The following EBF1 variants were observed in gnomAD, a reference collection of about 807,000 sequenced individuals.
EBF1 encodes transcription factor COE1.
A neutral mutation model predicts 68.4 loss-of-function variants in EBF1; 10 were observed. The observed-to-expected ratio is 0.15, with a 90% CI of 0.09 to 0.25. The LOEUF is 0.25. Ranked by LOEUF, EBF1 falls within the 10% of genes least tolerant of loss-of-function variation. EBF1 has a pLI of 1.00. For missense variants in EBF1, 509 were observed against 794.4 expected (o/e 0.64, Z 4.32); for synonymous variants, 298 against 299.8 (o/e 0.99, Z 0.06).
At chr5:158,806,620 C>T (rs183483741) in intron 8 of EBF1, among the ~76,000 whole-genome samples, 3 of 152,238 alleles carry the variant, frequency 2.0e-5, no homozygotes, top group Admixed American at 1.3e-4. Context: ...GGACAGAGAA[C>T]AGTCAGACTT....
rs77055596 is a variant in EBF1, at chr5:158,993,910, G to A, written c.554+79486C>T. On this transcript the variant is annotated intron_variant, in intron 6 of 15. Transcript: ENST00000313708. ...TGGGGAGGAAAGGGCAAGTCAAAAT[G>A]TAAGTCTGTCCTAGGTAAATAGGCA... is the stretch of plus-strand genomic sequence containing the variant. Among the ~76,000 whole-genome samples, 1,478 of 152,350 alleles carry A rather than the reference G, an allele frequency of 9.7e-3. 12 individuals are homozygous for A. Among genetic ancestry groups the A allele is most frequent in the Non-Finnish European group, 0.016 (1,097 of 68,036 alleles).
intron 11 of EBF1, among the ~76,000 whole-genome samples, chr5:158,719,580 C>T (rs770499306): frequency 2.6e-5 from 4 of 152,140 alleles, no homozygotes; most frequent in Non-Finnish European, 5.9e-5. Flanking sequence ...CCACATCTAG[C>T]CTCCTAGAGT....
chr5:158,807,764 T>C (rs1203392121), intron 8 of EBF1, among the ~76,000 whole-genome samples: 1 of 152,172 alleles, frequency 6.6e-6, no homozygotes, highest in Non-Finnish European at 1.5e-5. Flanking sequence ...GGCCTTTCTT[T>C]GCTATGCAGA....
At chr5:159,016,934 T>C (rs970083188) in intron 6 of EBF1, among the ~76,000 whole-genome samples, 4 of 152,134 alleles carry the variant, frequency 2.6e-5, no homozygotes, top group Non-Finnish European at 4.4e-5. Flanking sequence ...AAAACCCAGC[T>C]CAAATTCTCT....
intron 4 of EBF1, among the ~76,000 whole-genome samples, chr5:159,094,000 CTTT>C (rs35491355): frequency 3.1e-5 from 4 of 130,120 alleles, no homozygotes; most frequent in Non-Finnish European, 4.8e-5. Flanking sequence ...TCCCTCCCAA[CTTT>C]TTTTTTTTTT....
In EBF1 at chr5:158,969,904, GAAAGAAAGAAAGAA is replaced by G. The variant is rs1311712165; in HGVS notation, c.554+103478_554+103491del. On this transcript the variant is annotated intron_variant, in intron 6 of 15. Coordinates refer to ENST00000313708, the MANE Select transcript of EBF1 (RefSeq NM_024007.5). ...AGAAAGAAAGAAAGAAAGAAAGAAAGAAAGAAAGAAAGAAAAAAAAAAAAAAGGCTGCTGGAAGT... is the reference window on the plus strand; with the variant it reads ...AGAAAGAAAGAAAGAAAGAAAGAAAGAAAAAAAAAAAAGGCTGCTGGAAGT... Among the ~76,000 whole-genome samples, 766 of 105,674 alleles carry G rather than the reference GAAAGAAAGAAAGAA, an allele frequency of 7.2e-3. 23 individuals carry two copies. The highest frequency in any genetic ancestry group is 0.014 in the Middle Eastern group (3 of 210). 69.3% of individuals were successfully genotyped at this position (105,674 alleles called of 152,430 possible).
At chr5:158,811,798 G>A (rs1001311847) in intron 8 of EBF1, among the ~76,000 whole-genome samples, 1 of 152,150 alleles carries the variant, frequency 6.6e-6, no homozygotes, top group Non-Finnish European at 1.5e-5. Flanking sequence ...TCCAAGTTTA[G>A]TTTCTCAAAA....
intron 6 of EBF1, among the ~76,000 whole-genome samples, chr5:158,969,844 GA>G (rs1353417815): frequency 4.2e-4 from 11 of 26,124 alleles, no homozygotes; most frequent in Non-Finnish European, 7.4e-4. Context: ...GAAAGAAAGA[GA>G]AAGAAAGAAA....
intron 6 of EBF1, among the ~76,000 whole-genome samples, chr5:158,966,041 G>A (rs889121061): frequency 1.3e-5 from 2 of 152,182 alleles, no homozygotes; most frequent in African/African-American, 4.8e-5. Context: ...GTAGAACACA[G>A]GAAACCTTGA....
chr5:158,821,608 A>G (rs1454452880), intron 8 of EBF1, among the ~76,000 whole-genome samples: 1 of 152,192 alleles, frequency 6.6e-6, no homozygotes, highest in Non-Finnish European at 1.5e-5. Flanking sequence ...TCTCCAAATC[A>G]TGCCCACTGA....
rs1331627241 is a variant in EBF1 at position 159,061,594 on chromosome 5, G to A, written c.554+11802C>T. Among the ~76,000 whole-genome samples the A allele has an allele frequency of 3.3e-5, 5 of 152,282 alleles. No individual in the cohort carries two copies. In the East Asian group the frequency reaches 7.7e-4, roughly 23 times the overall value. On this transcript the variant is annotated intron_variant, in intron 6 of 15. Coordinates refer to ENST00000313708, the MANE Select transcript of EBF1 (RefSeq NM_024007.5). ...AACAGCTCTGTTTTCTTCCCCACTC[G>A]GCTGCTCCAGAGGGAGGTCCGAGAT...
Position 158,888,882 on chromosome 5 carries a change from C to T in EBF1, c.555-48772G>A, listed in dbSNP as rs1181381892. 3.3e-5 allele frequency among the ~76,000 whole-genome samples: 5 copies of T among 152,200 alleles called. No individual in the cohort carries two copies. The East Asian group carries it at 9.7e-4, about 29-fold the overall frequency. On this transcript the variant is annotated intron_variant, in intron 6 of 15. Transcript: ENST00000313708. The stretch of plus-strand genomic sequence containing the variant: ...ATCTTCCCACCAGATTTTCCTCCTG[C>T]TATCTTCCCTGTCATAGATGTGTCC...
chr5:159,056,127 T>C (rs188495406), intron 6 of EBF1, among the ~76,000 whole-genome samples: 3 of 152,310 alleles, frequency 2.0e-5, no homozygotes, highest in Admixed American at 6.5e-5. Context: ...ATCCAGCCTG[T>C]TGAATGATTT....
At chr5:159,068,517 A>C (rs1237743141) in intron 6 of EBF1, among the ~76,000 whole-genome samples, 1 of 152,078 alleles carries the variant, frequency 6.6e-6, no homozygotes, top group East Asian at 1.9e-4. Flanking sequence ...TAATGAAGAA[A>C]ATTAGCTTGG....
intron 6 of EBF1, among the ~76,000 whole-genome samples, chr5:159,058,026 A>G (rs535845822): frequency 5.3e-4 from 81 of 152,318 alleles, no homozygotes; most frequent in African/African-American, 1.8e-3. Context: ...ATGTCTTGGT[A>G]TACATTGAAG....
intron 6 of EBF1, among the ~76,000 whole-genome samples, chr5:158,883,999 C>T (rs1484009762): frequency 2.6e-5 from 4 of 152,162 alleles, no homozygotes; most frequent in South Asian, 2.1e-4. Flanking sequence ...AGGGAAGCTG[C>T]GCACTCCAAC....
chr5:158,889,959 A>C (rs1469549161), intron 6 of EBF1, among the ~76,000 whole-genome samples: 1 of 152,250 alleles, frequency 6.6e-6, no homozygotes, highest in African/African-American at 2.4e-5. Flanking sequence ...TAGAGATTAA[A>C]GTATACGGGA....
intron 7 of EBF1, among the ~76,000 whole-genome samples, chr5:158,823,856 C>A (rs375179492): frequency 1.3e-5 from 2 of 152,132 alleles, no homozygotes; most frequent in East Asian, 3.9e-4. Flanking sequence ...GTTCATCAGA[C>A]CAAAGTCCCC....
intron 15 of EBF1, among the ~76,000 whole-genome samples, chr5:158,706,329 T>C (rs1292973297): frequency 6.6e-6 from 1 of 151,950 alleles, no homozygotes; most frequent in African/African-American, 2.4e-5. Context: ...CTGAGGAGTA[T>C]TTTGAAGAGT....
Sources: gnomAD v4.1 joint callset for allele counts (sites outside exome capture counted in the v4.1 genomes callset) on GRCh38, gnomAD v4.1.1 for gene constraint, MANE v1.5 for transcripts, NCBI Gene and HGNC (gene_info 2026-07-23, HGNC 2026-07-21) for gene names.